Variants in ADAM18 observed in about 807,000 individuals in gnomAD.
ADAM18 encodes disintegrin and metalloproteinase domain-containing protein 18.
Under a neutral mutation model 94.4 loss-of-function variants are expected in ADAM18, and 117 were observed. That is an observed-to-expected ratio of 1.24 (90% CI 1.07 to 1.45). The LOEUF is 1.45. Ranked by LOEUF, ADAM18 falls within the 40% of genes most tolerant of loss-of-function variation. The pLI is 0.00. For synonymous variants in ADAM18, 327 were observed against 291.6 expected, an observed-to-expected ratio of 1.12 and a Z score of -1.24; for missense variants, 936 against 880.0, an observed-to-expected ratio of 1.06 and a Z score of -0.81.
At chr8:39,637,465 T>C (rs1017903859) in intron 8 of ADAM18, 72 bp from the exon 9 acceptor site, 87 of 1,431,384 alleles carry the variant, frequency 6.1e-5, no homozygotes, top group Non-Finnish European at 7.9e-5. Context: ...GAACATGTTG[T>C]TTATTTTTTA....
chr8:39,627,221 TCCA>T (rs931320663), intron 6 of ADAM18, among the ~76,000 whole-genome samples: 13 of 152,080 alleles, frequency 8.5e-5, no homozygotes, highest in African/African-American at 3.1e-4. Context: ...GATTCACAGC[TCCA>T]CATGGCTGGG....
intron 2 of ADAM18, among the ~76,000 whole-genome samples, chr8:39,596,724 A>G (rs1818750940): frequency 6.6e-6 from 1 of 152,218 alleles, no homozygotes; most frequent in African/African-American, 2.4e-5. Flanking sequence ...TGGTAAGAGT[A>G]TGTGTAGTAT....
intron 7 of ADAM18, among the ~76,000 whole-genome samples, chr8:39,629,895 C>T (rs533766116): frequency 1.3e-5 from 2 of 152,062 alleles, no homozygotes; most frequent in South Asian, 4.1e-4. Context: ...ACTATCGCTT[C>T]CTCCACTCCA....
chr8:39,717,974 G>A (rs1822625991), intron 18 of ADAM18, among the ~76,000 whole-genome samples: 1 of 151,494 alleles, frequency 6.6e-6, no homozygotes, highest in African/African-American at 2.4e-5. Context: ...ACAGGTATGT[G>A]AAAAAATATG....
At chr8:39,722,666 T>C (rs558857563) in intron 18 of ADAM18, among the ~76,000 whole-genome samples, 55 of 151,670 alleles carry the variant, frequency 3.6e-4, no homozygotes, top group African/African-American at 1.3e-3. Context: ...TTGTACCTCC[T>C]TAATCTATTT....
At chr8:39,611,293 G>A in intron 6 of ADAM18, 1 of 502,674 alleles carries the variant, frequency 2.0e-6, no homozygotes, top group Non-Finnish European at 2.6e-6. Context: ...CTTTGCCTTT[G>A]TCTTATGGCA....
chr8:39,601,194 C>A (rs1020969104), intron 2 of ADAM18, among the ~76,000 whole-genome samples: 1 of 152,218 alleles, frequency 6.6e-6, no homozygotes, highest in African/African-American at 2.4e-5. Flanking sequence ...TCCCACCATG[C>A]CCCACCTCCA....
chr8:39,693,883 TA>T (rs1417935031), intron 17 of ADAM18, among the ~76,000 whole-genome samples: 2 of 151,360 alleles, frequency 1.3e-5, no homozygotes, highest in Non-Finnish European at 3.0e-5. Context: ...ATAGACTTTC[TA>T]ATGACAGGTC....
chr8:39,591,215 T>C (rs1310492231), intron 2 of ADAM18, among the ~76,000 whole-genome samples: 1 of 152,130 alleles, frequency 6.6e-6, no homozygotes, highest in Non-Finnish European at 1.5e-5. Flanking sequence ...TGGTTGAAGG[T>C]TGGGGTGGCT....
chr8:39,608,754 G>A (rs182010245), intron 3 of ADAM18, among the ~76,000 whole-genome samples: 14 of 152,006 alleles, frequency 9.2e-5, no homozygotes, highest in African/African-American at 2.2e-4. Context: ...ATGAGGGTCC[G>A]TCAGATAGTG....
chr8:39,666,567 A>G (rs1820996852), intron 13 of ADAM18, among the ~76,000 whole-genome samples: 1 of 152,190 alleles, frequency 6.6e-6, no homozygotes, highest in African/African-American at 2.4e-5. Context: ...TTTACAAAAG[A>G]AAGAAGTTTA....
intron 14 of ADAM18, among the ~76,000 whole-genome samples, chr8:39,670,477 T>C (rs1821123979): frequency 2.0e-5 from 3 of 152,176 alleles, no homozygotes; most frequent in Admixed American, 1.3e-4. Flanking sequence ...AACTAACAAG[T>C]AGTTACATTA....
At chr8:39,610,980 C>T (rs2129578513) in intron 6 of ADAM18, 1 of 1,196,592 alleles carries the variant, frequency 8.4e-7, no homozygotes, top group South Asian at 3.5e-5. Context: ...GCAGAAAGAA[C>T]AGAGTCACTG....
intron 18 of ADAM18, among the ~76,000 whole-genome samples, chr8:39,721,930 A>G (rs1822761627): frequency 6.6e-6 from 1 of 151,158 alleles, no homozygotes; most frequent in African/African-American, 2.4e-5. Context: ...AGAAATCATT[A>G]TACATCATAT....
At chr8:39,637,041 ATAT>A (rs1380728626) in intron 7 of ADAM18, among the ~76,000 whole-genome samples, 1 of 143,010 alleles carries the variant, frequency 7.0e-6, no homozygotes, top group East Asian at 2.1e-4. Context: ...ATATATATAT[ATAT>A]ATATATATAT....
chr8:39,727,074 T>C (rs1452562012), intron 19 of ADAM18, among the ~76,000 whole-genome samples: 1 of 152,198 alleles, frequency 6.6e-6, no homozygotes, highest in Non-Finnish European at 1.5e-5. Context: ...AATGAATTTA[T>C]AATTTATTTC....
intron 7 of ADAM18, 43 bp from the exon 8 acceptor site, chr8:39,637,221 A>G (rs1325432429): frequency 7.1e-7 from 1 of 1,399,590 alleles, no homozygotes; most frequent in Admixed American, 1.9e-5. Flanking sequence ...ATTCACATGG[A>G]TTCAAAATAA....
chr8:39,681,311 A>G (rs1318885445), intron 16 of ADAM18, among the ~76,000 whole-genome samples: 1 of 152,154 alleles, frequency 6.6e-6, no homozygotes, highest in Non-Finnish European at 1.5e-5. Context: ...GAGGGACTGA[A>G]TTCTGCCAAA....
chr8:39,703,006 C>T (rs1032033744), intron 17 of ADAM18, among the ~76,000 whole-genome samples: 1 of 152,102 alleles, frequency 6.6e-6, no homozygotes, highest in African/African-American at 2.4e-5. Flanking sequence ...ATAGTTTTCT[C>T]TAGTTCTGTG....
Sources: gnomAD v4.1 joint callset for allele counts (sites outside exome capture counted in the v4.1 genomes callset) on GRCh38, gnomAD v4.1.1 for gene constraint, MANE v1.5 for transcripts, NCBI Gene and HGNC (gene_info 2026-07-23, HGNC 2026-07-21) for gene names.